RNF115: variants seen among roughly 807,000 people sequenced by gnomAD.
RNF115 encodes the protein ring finger protein 115, also known as E3 ubiquitin-protein ligase RNF115.
RNF115 carries 31 observed loss-of-function variants against 39.2 expected under a neutral mutation model. The observed-to-expected ratio is 0.79, with a 90% CI of 0.59 to 1.07. The LOEUF (loss-of-function observed/expected upper bound fraction) is 1.07. RNF115 is among the 50% of genes least tolerant of loss of function. The pLI is 0.00. For missense variants in RNF115, 384 were observed against 381.7 expected, an observed-to-expected ratio of 1.01 and a Z score of -0.05; for synonymous variants, 124 against 131.0, an observed-to-expected ratio of 0.95 and a Z score of 0.37.
chr1:145,787,904 A>C (rs189489615), intron 2 of RNF115, among the ~76,000 whole-genome samples: 1 of 152,274 alleles, frequency 6.6e-6, no homozygotes, highest in Non-Finnish European at 1.5e-5. Context: ...AAAAGAAAAA[A>C]GAAAAAAGAT....
intron 1 of RNF115, among the ~76,000 whole-genome samples, chr1:145,795,174 G>C: frequency 1.3e-5 from 2 of 152,018 alleles, no homozygotes; most frequent in Admixed American, 1.3e-4. Context: ...TCTTAAAGTT[G>C]GCACGTCCGG....
chr1:145,747,599 C>T (rs141643951), intron 8 of RNF115, among the ~76,000 whole-genome samples: 3,903 of 152,168 alleles, frequency 0.026, 188 homozygotes, highest in African/African-American at 0.089. Flanking sequence ...GCTGAGATCA[C>T]GCCACTGCAC....
At chr1:145,811,981 T>C (rs1649746926) in intron 1 of RNF115, among the ~76,000 whole-genome samples, 1 of 139,854 alleles carries the variant, frequency 7.2e-6, no homozygotes, top group South Asian at 2.2e-4. Context: ...GTGGATTTCA[T>C]TTCACTAAAG....
intron 4 of RNF115, among the ~76,000 whole-genome samples, chr1:145,763,692 C>T (rs951481716): frequency 9.2e-5 from 14 of 151,876 alleles, no homozygotes; most frequent in African/African-American, 3.1e-4. Flanking sequence ...GAGTGAGACT[C>T]CCTCTCAAAA....
At chr1:145,814,745 T>C (rs1416132454) in intron 1 of RNF115, among the ~76,000 whole-genome samples, 3 of 152,144 alleles carry the variant, frequency 2.0e-5, no homozygotes, top group Non-Finnish European at 2.9e-5. Flanking sequence ...CCCCAATATA[T>C]ACATTTATAT....
chr1:145,789,555 C>T (rs1231066433), intron 1 of RNF115, among the ~76,000 whole-genome samples: 1 of 150,114 alleles, frequency 6.7e-6, no homozygotes, highest in Non-Finnish European at 1.5e-5. Context: ...TGCGACAACA[C>T]GCCTGGCTAA....
intron 7 of RNF115, among the ~76,000 whole-genome samples, 188 bp from the exon 8 acceptor site, chr1:145,748,298 T>C (rs1553712047): frequency 6.6e-6 from 1 of 151,994 alleles, no homozygotes; most frequent in Non-Finnish European, 1.5e-5. Flanking sequence ...AAGGTGGTAG[T>C]AGACAGAGAC....
chr1:145,818,129 G>T (rs1336251648), intron 1 of RNF115, among the ~76,000 whole-genome samples: 2 of 151,836 alleles, frequency 1.3e-5, no homozygotes, highest in Non-Finnish European at 2.9e-5. Context: ...GTAATGGATT[G>T]CTGGGCAGAA....
rs1312696777 is a variant in RNF115, at chr1:145,743,502, G to C, written c.*3364C>G. Reference sequence around the variant, plus strand: ...AATTCCTTATAATAAATCTCAGGCTGGGCATGGTGGCTCCCGTCTGTAATC... The same window carrying C: ...AATTCCTTATAATAAATCTCAGGCTCGGCATGGTGGCTCCCGTCTGTAATC... On this transcript the variant is annotated 3_prime_UTR_variant, in exon 9 of 9. Coordinates refer to ENST00000582693, the MANE Select transcript of RNF115 (RefSeq NM_014455.4). 6.6e-6 allele frequency: 1 copy of C among 152,136 alleles called. No homozygotes were observed. 9.4% of individuals were successfully genotyped at this position (152,136 alleles called of 1,614,324 possible).
chr1:145,764,653 C>T (rs1168292219), intron 4 of RNF115, among the ~76,000 whole-genome samples: 1 of 151,890 alleles, frequency 6.6e-6, no homozygotes, highest in Non-Finnish European at 1.5e-5. Context: ...GCAGCCGCCC[C>T]GTCTGGGAAG....
intron 4 of RNF115, among the ~76,000 whole-genome samples, chr1:145,769,437 T>C (rs186271698): frequency 2.6e-5 from 4 of 152,284 alleles, no homozygotes; most frequent in East Asian, 1.9e-4. Context: ...AAAACAAACA[T>C]GTTTAGTAGC....
Position 145,766,002 on chromosome 1 carries a change from C to CT in RNF115, c.428+5708dup, listed in dbSNP as rs879951491. ...AATACAAATACAAAGTACTCTTTTTCTTTTTTTTTTTTTTAATTGATCATT... is the reference window on the plus strand; with the variant it reads ...AATACAAATACAAAGTACTCTTTTTCTTTTTTTTTTTTTTTAATTGATCATT... On this transcript the variant is annotated intron_variant, in intron 4 of 8. Transcript: ENST00000582693. 5.1e-3 allele frequency among the ~76,000 whole-genome samples: 715 copies of CT among 140,374 alleles called. 6 individuals are homozygous for CT. The highest frequency in any genetic ancestry group is 0.022 in the Middle Eastern group (6 of 274). The allele number at this position is 140,374 out of a possible 152,430, so 92.1% of individuals were successfully genotyped here.
At chr1:145,797,363 T>A (rs370770868) in intron 1 of RNF115, among the ~76,000 whole-genome samples, 2 of 152,282 alleles carry the variant, frequency 1.3e-5, no homozygotes, top group East Asian at 3.9e-4. Context: ...CTAGAACACA[T>A]CCCTGGTGTT....
intron 4 of RNF115, among the ~76,000 whole-genome samples, chr1:145,765,011 C>T (rs1290124198): frequency 1.3e-5 from 2 of 152,166 alleles, no homozygotes; most frequent in South Asian, 2.1e-4. Flanking sequence ...ATAGAGAAAT[C>T]GGATTGTTGT....
intron 4 of RNF115, among the ~76,000 whole-genome samples, chr1:145,767,119 G>C (rs2101518056): frequency 6.7e-6 from 1 of 150,372 alleles, no homozygotes; most frequent in East Asian, 2.0e-4. Context: ...CGGCAGAGGG[G>C]CTCCTCACTT....
chr1:145,763,698 C>CA (rs1283983072), intron 4 of RNF115, among the ~76,000 whole-genome samples: 2 of 151,690 alleles, frequency 1.3e-5, no homozygotes, highest in African/African-American at 4.8e-5. Context: ...GACTCCCTCT[C>CA]AAAAAAACAA....
At chr1:145,764,961 C>T (rs879976456) in intron 4 of RNF115, among the ~76,000 whole-genome samples, 1 of 152,220 alleles carries the variant, frequency 6.6e-6, no homozygotes, top group African/African-American at 2.4e-5. Flanking sequence ...ATGACGATGG[C>T]GGTTTTGTGG....
intron 3 of RNF115, among the ~76,000 whole-genome samples, chr1:145,778,458 T>C (rs934098623): frequency 2.0e-5 from 3 of 152,190 alleles, no homozygotes; most frequent in African/African-American, 7.2e-5. Flanking sequence ...CTGTACACTT[T>C]AACAGGGTGA....
chr1:145,777,624 T>A (rs587726087), intron 3 of RNF115, among the ~76,000 whole-genome samples: 1 of 151,418 alleles, frequency 6.6e-6, no homozygotes, highest in South Asian at 2.1e-4. Flanking sequence ...AAAAAAAAAA[T>A]AGCTCATACA....
Sources: gnomAD v4.1 joint callset for allele counts (sites outside exome capture counted in the v4.1 genomes callset) on GRCh38, gnomAD v4.1.1 for gene constraint, MANE v1.5 for transcripts, NCBI Gene and HGNC (gene_info 2026-07-23, HGNC 2026-07-21) for gene names.